Variants in CTHRC1 observed in about 807,000 individuals in gnomAD.
CTHRC1 encodes the protein collagen triple helix repeat-containing protein 1.
Under a neutral mutation model 25.9 loss-of-function variants are expected in CTHRC1, and 21 were observed. The ratio of observed to expected loss-of-function variants is 0.81; its 90% CI spans 0.57 to 1.17. CTHRC1 has a LOEUF of 1.17. CTHRC1 is among the 50% of genes most tolerant of loss of function. The pLI is 0.00. For missense variants in CTHRC1, 281 were observed against 304.3 expected, an observed-to-expected ratio of 0.92 and a Z score of 0.57; for synonymous variants, 109 against 113.1, an observed-to-expected ratio of 0.96 and a Z score of 0.23.
rs1355116541 is a variant in CTHRC1, at chr8:103,375,911, G to A, written c.324G>A (p.Gln108=). 3 of 1,613,974 alleles carry A rather than the reference G, an allele frequency of 1.9e-6. No individual in the cohort carries two copies. The highest frequency in any genetic ancestry group is 2.5e-6 in the Non-Finnish European group (3 of 1,180,002). Residue 108 remains glutamine, a synonymous_variant, in exon 2 of 4, where the codon CAG becomes CAA. Coordinates refer to ENST00000330295, the MANE Select transcript of CTHRC1 (RefSeq NM_138455.4). ...AGTCCTGGACACCCAACTACAAGCA[G>A]TGTTCATGGAGTTCATTGAATTATG... ...FEESWTPNYK[Q]CSWSSLNYGI... is the part of the protein sequence containing the mutation.
In CTHRC1 at chr8:103,371,800, G is replaced by A; in HGVS notation, c.144G>A (p.Val48=). 1 of 1,527,246 alleles carries A rather than the reference G, an allele frequency of 6.5e-7. No individual in the cohort carries two copies. Among genetic ancestry groups the A allele is most frequent in the Non-Finnish European group, 8.8e-7 (1 of 1,136,434 alleles). The allele number at this position is 1,527,246 out of a possible 1,614,324, so 94.6% of individuals were successfully genotyped here. A position where few individuals can be genotyped will look rare whatever the true frequency, so the allele number is the denominator to read the frequency against. ...QKAQLRQREV[V]DLYNGMCLQG... is the part of the protein sequence containing the mutation. ...CGCAGCTCCGGCAGAGGGAGGTGGT[G>A]GACCTGGTGAGTCCGAGGGAGCCGA... Residue 48 remains valine (V), a synonymous_variant, in exon 1 of 4, where the codon GTG becomes GTA. Coordinates refer to ENST00000330295, the MANE Select transcript of CTHRC1 (RefSeq NM_138455.4).
intron 2 of CTHRC1, 115 bp downstream of exon 2, chr8:103,376,074 A>G (rs1815802378): frequency 1.3e-6 from 1 of 781,084 alleles, no homozygotes. Flanking sequence ...AAAGAGAAGT[A>G]GGTAGCATGT....
At chr8:103,375,672 TAATC>T in intron 1 of CTHRC1, 62 bp from the exon 2 acceptor site, 2 of 1,357,698 alleles carry the variant, frequency 1.5e-6, no homozygotes, top group South Asian at 2.3e-5. Context: ...AATGCATTTC[TAATC>T]ATACTGAGTC....
At chr8:103,372,395 C>G (rs963094809) in intron 1 of CTHRC1, 1 of 1,425,112 alleles carries the variant, frequency 7.0e-7, no homozygotes, top group Non-Finnish European at 9.2e-7. Context: ...CTGCAATTTA[C>G]TTTGTTGGAC....
At chr8:103,380,085 C>A (rs1586555177) in intron 3 of CTHRC1, among the ~76,000 whole-genome samples, 1 of 152,228 alleles carries the variant, frequency 6.6e-6, no homozygotes. Flanking sequence ...AGAAGTGCTT[C>A]CCATCTAAGA....
intron 2 of CTHRC1, chr8:103,377,445 T>G (rs1387223952): frequency 6.5e-6 from 1 of 154,962 alleles, no homozygotes; most frequent in African/African-American, 2.4e-5. Context: ...TCAAAAGTAC[T>G]GAAGGCTAGC....
chr8:103,380,252 GA>G (rs1365608679), intron 3 of CTHRC1, among the ~76,000 whole-genome samples: 1 of 152,222 alleles, frequency 6.6e-6, no homozygotes, highest in Non-Finnish European at 1.5e-5. Context: ...TTAGGCCCAG[GA>G]ACTGTGTCAT....
chr8:103,372,090 T>TC (rs754496248), intron 1 of CTHRC1, among the ~76,000 whole-genome samples: 217 of 149,000 alleles, frequency 1.5e-3, no homozygotes, highest in Non-Finnish European at 2.8e-3. Context: ...GTACAGGGAG[T>TC]CCCCCAATAA....
At chr8:103,376,194 T>C in intron 2 of CTHRC1, 1 of 586,050 alleles carries the variant, frequency 1.7e-6, no homozygotes, top group Admixed American at 3.0e-5. Context: ...AATAACATAC[T>C]TTTTAAAAAT....
chr8:103,372,541 T>C, intron 1 of CTHRC1: 1 of 1,598,334 alleles, frequency 6.3e-7, no homozygotes, highest in East Asian at 2.2e-5. Flanking sequence ...ACACACACCC[T>C]GGGTCTTCAT....
chr8:103,378,256 G>C lies in CTHRC1; in HGVS notation c.589+13G>C. The stretch of plus-strand genomic sequence containing the variant: ...CGCACTTCTTCTGGTATGTAAAATT[G>C]TGACATTGCAAGATGTGCCTCAGAT... On this transcript the variant is annotated intron_variant, in intron 3 of 3. Coordinates refer to ENST00000330295, the MANE Select transcript of CTHRC1 (RefSeq NM_138455.4). 1 of 1,598,418 alleles carries C rather than the reference G, an allele frequency of 6.3e-7. No individual in the cohort carries two copies. Among genetic ancestry groups the C allele is most frequent in the Non-Finnish European group, 8.5e-7 (1 of 1,169,844 alleles).
At chr8:103,378,555 T>C (rs759015764) in intron 3 of CTHRC1, among the ~76,000 whole-genome samples, 1 of 152,190 alleles carries the variant, frequency 6.6e-6, no homozygotes, top group Non-Finnish European at 1.5e-5. Context: ...TTAAATGACA[T>C]GGCAAAATAG....
intron 3 of CTHRC1, among the ~76,000 whole-genome samples, chr8:103,381,851 AGCCAGGCGTGGTGGCAGGTGCCT>A (rs1199825326): frequency 6.6e-6 from 1 of 152,146 alleles, no homozygotes; most frequent in African/African-American, 2.4e-5. Flanking sequence ...ACAAAAAATT[AGCCAGGCGTGGTGGCAGGTGCCT>A]GTAGTCCCAG....
chr8:103,375,740 T>A lies in CTHRC1; in HGVS notation c.153T>A (p.Tyr51Ter). The A allele has an allele frequency of 6.2e-7, 1 of 1,613,292 alleles. No homozygotes were observed. The highest frequency in any genetic ancestry group is 1.3e-5 in the African/African-American group (1 of 75,016). Residue 51 changes from tyrosine (Y) to a stop codon, truncating the protein, a stop_gained and splice_region_variant, in exon 2 of 4, where the codon TAT (tyrosine) becomes TAA (stop). Transcript: ENST00000330295. LOFTEE classifies it high-confidence loss of function. ...QLRQREVVDL[Y>*]NGMCLQGPAG... ...TTGCCTTTTCTTTCTCATTATAGTATAATGGAATGTGCTTACAAGGGCCAG... is the reference window on the plus strand; with the variant it reads ...TTGCCTTTTCTTTCTCATTATAGTAAAATGGAATGTGCTTACAAGGGCCAG...
In CTHRC1 at chr8:103,371,561, C is replaced by T. The variant is rs1378944269; in HGVS notation, c.-96C>T. 4 of 1,338,426 alleles carry T rather than the reference C, an allele frequency of 3.0e-6. No individual in the cohort carries two copies. The highest frequency in any genetic ancestry group is 5.7e-5 in the East Asian group (2 of 35,106). The allele number at this position is 1,338,426 out of a possible 1,614,324, so 82.9% of individuals were successfully genotyped here. On this transcript the variant is annotated 5_prime_UTR_variant, in exon 1 of 4. Transcript: ENST00000330295. ...GTGAAAGGCGCATTGATGCAGCCTG[C>T]GGCGGCCTCGGAGCGCGGCGGAGCC...
In CTHRC1 at chr8:103,371,583, A is replaced by G. The variant is rs1047017497; in HGVS notation, c.-74A>G. The G allele has an allele frequency of 2.4e-5, 36 of 1,480,916 alleles. No homozygotes were observed. Among genetic ancestry groups the G allele is most frequent in the East Asian group, 1.6e-4 (6 of 36,556 alleles). 91.7% of individuals were successfully genotyped at this position (1,480,916 alleles called of 1,614,324 possible). A position where few individuals can be genotyped will look rare whatever the true frequency, so the allele number is the denominator to read the frequency against. ...CTGCGGCGGCCTCGGAGCGCGGCGG[A>G]GCCAGACGCTGACCACGTTCCTCTC... On this transcript the variant is annotated 5_prime_UTR_variant, in exon 1 of 4. Transcript: ENST00000330295.
chr8:103,371,850 G>C, intron 1 of CTHRC1, 44 bp downstream of exon 1: 1 of 1,462,644 alleles, frequency 6.8e-7, no homozygotes, highest in Non-Finnish European at 9.0e-7. Context: ...GCTGGTGGAG[G>C]GGACCTGGCC....
intron 3 of CTHRC1, among the ~76,000 whole-genome samples, chr8:103,381,502 A>C (rs1463969314): frequency 6.6e-6 from 1 of 151,784 alleles, no homozygotes; most frequent in Admixed American, 6.6e-5. Flanking sequence ...GTAAGATGGA[A>C]TGCAACTTGT....
rs1197204928 is a variant in CTHRC1, at chr8:103,378,035, A to T, written c.381A>T (p.Thr127=). The change falls in exon 3 of 4, where the codon ACA becomes ACT. Residue 127 remains threonine, a synonymous_variant. Coordinates refer to ENST00000330295, the MANE Select transcript of CTHRC1 (RefSeq NM_138455.4). ...TTCTATGTTTGTGACAGGAGTGTACATTTACAAAGATGCGTTCAAATAGTG... is the reference window on the plus strand; with the variant it reads ...TTCTATGTTTGTGACAGGAGTGTACTTTTACAAAGATGCGTTCAAATAGTG... The part of the protein sequence containing the change: ...GIDLGKIAEC[T]FTKMRSNSAL... 12 of 1,612,864 alleles carry T rather than the reference A, an allele frequency of 7.4e-6. No individual in the cohort carries two copies. Among genetic ancestry groups the T allele is most frequent in the Non-Finnish European group, 1.0e-5 (12 of 1,178,908 alleles).
Sources: gnomAD v4.1 joint callset for allele counts (sites outside exome capture counted in the v4.1 genomes callset) on GRCh38, gnomAD v4.1.1 for gene constraint, MANE v1.5 for transcripts, NCBI Gene and HGNC (gene_info 2026-07-23, HGNC 2026-07-21) for gene names.